The following ANO4 variants were observed in gnomAD, a reference collection of about 807,000 sequenced individuals.
ANO4 encodes the protein anoctamin-4.
Under a neutral mutation model 141.9 loss-of-function variants are expected in ANO4, and 69 were observed. That is an observed-to-expected ratio of 0.49 (90% CI 0.40 to 0.59). The LOEUF (loss-of-function observed/expected upper bound fraction) is 0.59. Ranked by LOEUF, ANO4 falls within the 20% of genes least tolerant of loss-of-function variation. ANO4 has a pLI of 0.00. For missense variants in ANO4, 894 were observed against 1,162.2 expected (o/e 0.77, Z 3.36); for synonymous variants, 350 against 394.3 (o/e 0.89, Z 1.33).
chr12:100,725,567 C>G (rs2031079725), intron 1 of ANO4, among the ~76,000 whole-genome samples: 1 of 151,974 alleles, frequency 6.6e-6, no homozygotes, highest in South Asian at 2.1e-4. Context: ...AGGATGGTCT[C>G]AATCTCCTGA....
chr12:100,876,291 A>AAAAAT (rs1555236586), intron 1 of ANO4, among the ~76,000 whole-genome samples: 16 of 151,322 alleles, frequency 1.1e-4, no homozygotes, highest in African/African-American at 3.2e-4. Flanking sequence ...AAAAAAAAAA[A>AAAAAT]AAAAACAGTG....
intron 8 of ANO4, among the ~76,000 whole-genome samples, chr12:101,015,702 C>T (rs1026708281): frequency 1.3e-5 from 2 of 152,106 alleles, no homozygotes; most frequent in Non-Finnish European, 2.9e-5. Flanking sequence ...CCAAATGGCC[C>T]TTAAAGAGTT....
At chr12:101,111,004 A>G (rs761826150) in intron 23 of ANO4, among the ~76,000 whole-genome samples, 1 of 152,244 alleles carries the variant, frequency 6.6e-6, no homozygotes, top group Admixed American at 6.5e-5. Flanking sequence ...TGCAGCTCGC[A>G]TGAGAGCTGC....
At chr12:100,830,294 CTTCT>C (rs1207171656) in intron 1 of ANO4, among the ~76,000 whole-genome samples, 2 of 151,980 alleles carry the variant, frequency 1.3e-5, no homozygotes, top group African/African-American at 4.8e-5. Flanking sequence ...CCATCTTTCT[CTTCT>C]TTCTTTTCTA....
intron 2 of ANO4, among the ~76,000 whole-genome samples, chr12:100,920,150 A>G (rs2041564982): frequency 6.6e-6 from 1 of 152,104 alleles, no homozygotes; most frequent in Admixed American, 6.6e-5. Context: ...CTGAAGTATT[A>G]GAACACAGGA....
chr12:101,094,170 G>C, intron 17 of ANO4, 86 bp from the exon 18 acceptor site: 2 of 1,053,252 alleles, frequency 1.9e-6, no homozygotes, highest in South Asian at 2.8e-5. Flanking sequence ...ATTTTGACTC[G>C]TGATTTGACT....
chr12:100,993,290 A>G (rs1038829433), intron 8 of ANO4, among the ~76,000 whole-genome samples: 1 of 152,222 alleles, frequency 6.6e-6, no homozygotes, highest in Non-Finnish European at 1.5e-5. Flanking sequence ...ACAAGTCAAC[A>G]TACAAATGCT....
chr12:101,051,826 T>C (rs1196765420), intron 14 of ANO4, among the ~76,000 whole-genome samples: 1 of 152,216 alleles, frequency 6.6e-6, no homozygotes, highest in Non-Finnish European at 1.5e-5. Flanking sequence ...CCTTCTGTTT[T>C]AGAGACCTGA....
chr12:100,788,900 T>A (rs1200837534), intron 3 of ANO4, among the ~76,000 whole-genome samples: 1 of 151,140 alleles, frequency 6.6e-6, no homozygotes, highest in East Asian at 1.9e-4. Flanking sequence ...GGAAAATGAT[T>A]GAGGTGGGGA....
At chr12:100,837,273 TA>T (rs2036977642) in intron 1 of ANO4, among the ~76,000 whole-genome samples, 1 of 138,264 alleles carries the variant, frequency 7.2e-6, no homozygotes, top group Non-Finnish European at 1.7e-5. Flanking sequence ...ACAACAACCA[TA>T]TGAGATAAAT....
upstream of ANO4, chr12:100,717,410 C>G (rs113817146): frequency 8.0e-6 from 3 of 376,130 alleles, no homozygotes; most frequent in East Asian, 7.6e-5. Flanking sequence ...GCGGAGCGCC[C>G]GGGCGCCGCT....
chr12:100,742,337 GTTTCC>G (rs1055846220), intron 3 of ANO4, among the ~76,000 whole-genome samples: 27 of 151,918 alleles, frequency 1.8e-4, no homozygotes, highest in African/African-American at 5.6e-4. Context: ...AAAGCTTATA[GTTTCC>G]TTTCTTTTTA....
At chr12:101,021,741 T>C (rs970147435) in intron 9 of ANO4, among the ~76,000 whole-genome samples, 2 of 152,210 alleles carry the variant, frequency 1.3e-5, no homozygotes, top group African/African-American at 2.4e-5. Context: ...TATTTACTAA[T>C]TCAGTGAAAA....
chr12:100,932,361 G>GTTTTTTTTTTT (rs200048343), intron 3 of ANO4, among the ~76,000 whole-genome samples: 1 of 150,416 alleles, frequency 6.6e-6, no homozygotes, highest in African/African-American at 2.5e-5. Context: ...TACACTTGCT[G>GTTTTTTTTTTT]GTTTTTTTTT....
intron 1 of ANO4, among the ~76,000 whole-genome samples, chr12:100,887,982 C>T (rs1017947791): frequency 1.6e-4 from 24 of 152,088 alleles, no homozygotes; most frequent in African/African-American, 5.3e-4. Context: ...ATATCTGCTT[C>T]CTAAGTATTT....
chr12:101,033,935 G>T (rs2047089640), intron 9 of ANO4, among the ~76,000 whole-genome samples: 1 of 152,176 alleles, frequency 6.6e-6, no homozygotes, highest in Admixed American at 6.5e-5. Flanking sequence ...AAACCGTAAT[G>T]AGATACCATC....
intron 9 of ANO4, among the ~76,000 whole-genome samples, chr12:101,023,917 T>C (rs1055621703): frequency 1.3e-5 from 2 of 152,226 alleles, no homozygotes; most frequent in Non-Finnish European, 2.9e-5. Context: ...CCAGTATTAT[T>C]TTCTGCCTGA....
chr12:100,925,318 T>A (rs2041817406), intron 3 of ANO4, among the ~76,000 whole-genome samples: 1 of 151,994 alleles, frequency 6.6e-6, no homozygotes, highest in African/African-American at 2.4e-5. Context: ...CATCGTTAAG[T>A]GTGTAAAGAA....
At chr12:100,736,224 T>A (rs2031607448) in intron 2 of ANO4, among the ~76,000 whole-genome samples, 1 of 152,174 alleles carries the variant, frequency 6.6e-6, no homozygotes, top group Non-Finnish European at 1.5e-5. Flanking sequence ...AGGTGCTTTT[T>A]TCAATGAAAA....
Sources: gnomAD v4.1 joint callset for allele counts (sites outside exome capture counted in the v4.1 genomes callset) on GRCh38, gnomAD v4.1.1 for gene constraint, MANE v1.5 for transcripts, NCBI Gene and HGNC (gene_info 2026-07-23, HGNC 2026-07-21) for gene names.